Variants in SMG6 observed in about 807,000 individuals in gnomAD.
The protein encoded by SMG6 is SMG6 nonsense mediated mRNA decay factor.
SMG6 carries 66 observed loss-of-function variants against 142.2 expected under a neutral mutation model. The ratio of observed to expected loss-of-function variants is 0.46; its 90% CI spans 0.38 to 0.57. The LOEUF is 0.57. SMG6 is among the 20% of genes least tolerant of loss of function. SMG6 has a pLI of 0.00. For synonymous variants in SMG6, 779 were observed against 702.4 expected, an observed-to-expected ratio of 1.11 and a Z score of -1.72; for missense variants, 1,793 against 1,832.0, an observed-to-expected ratio of 0.98 and a Z score of 0.39.
chr17:2,298,615 G>T (rs528991777), intron 2 of SMG6, among the ~76,000 whole-genome samples: 19 of 152,090 alleles, frequency 1.2e-4, no homozygotes, highest in Middle Eastern at 3.4e-3. Context: ...CTACTTGGGA[G>T]GCTGAGGCAG....
chr17:2,265,434 T>C (rs913190482), intron 8 of SMG6, among the ~76,000 whole-genome samples: 1 of 151,258 alleles, frequency 6.6e-6, no homozygotes, highest in African/African-American at 2.4e-5. Flanking sequence ...CGCTTGAACC[T>C]GGGAGGCGGA....
At chr17:2,252,541 C>T (rs536087853) in intron 8 of SMG6, among the ~76,000 whole-genome samples, 119 of 152,238 alleles carry the variant, frequency 7.8e-4, no homozygotes, top group Non-Finnish European at 1.5e-3. Flanking sequence ...AACCTGGGTT[C>T]GAATTTTGGT....
chr17:2,098,424 C>G (rs1387160615), intron 13 of SMG6, among the ~76,000 whole-genome samples: 1 of 152,186 alleles, frequency 6.6e-6, no homozygotes, highest in African/African-American at 2.4e-5. Flanking sequence ...TCTCCCCATG[C>G]CTGAAGAAAT....
At chr17:2,243,292 G>C (rs4790318) in intron 9 of SMG6, among the ~76,000 whole-genome samples, 37,422 of 152,140 alleles carry the variant, frequency 0.25, 4,747 homozygotes, top group Middle Eastern at 0.31. Flanking sequence ...CGCCCGTGGA[G>C]CAGAGTTTCT....
chr17:2,132,411 T>C (rs994488615), intron 13 of SMG6, among the ~76,000 whole-genome samples: 7 of 152,202 alleles, frequency 4.6e-5, no homozygotes, highest in African/African-American at 1.7e-4. Context: ...CCAGTCTACA[T>C]GTGGACTGTC....
chr17:2,112,219 A>C (rs77777164), intron 13 of SMG6, among the ~76,000 whole-genome samples: 1 of 151,652 alleles, frequency 6.6e-6, no homozygotes, highest in Non-Finnish European at 1.5e-5. Context: ...AAAAAAAAAA[A>C]GTCGGCCGGG....
intron 13 of SMG6, among the ~76,000 whole-genome samples, chr17:2,163,513 G>A (rs1437549622): frequency 6.6e-6 from 1 of 152,120 alleles, no homozygotes; most frequent in Non-Finnish European, 1.5e-5. Flanking sequence ...CTAATATGTA[G>A]ATATGGGATT....
intron 10 of SMG6, among the ~76,000 whole-genome samples, chr17:2,199,267 G>A (rs865974482): frequency 6.6e-6 from 1 of 152,174 alleles, no homozygotes; most frequent in Admixed American, 6.5e-5. Flanking sequence ...TCTGAGTACT[G>A]TTTTCTTCAT....
chr17:2,218,155 T>A (rs904630025), intron 10 of SMG6, among the ~76,000 whole-genome samples: 1 of 152,160 alleles, frequency 6.6e-6, no homozygotes, highest in Non-Finnish European at 1.5e-5. Context: ...TTCAGCTCAA[T>A]AGAAGGTTTA....
chr17:2,112,364 C>T (rs188756391), intron 13 of SMG6, among the ~76,000 whole-genome samples: 42 of 151,568 alleles, frequency 2.8e-4, no homozygotes, highest in African/African-American at 1.0e-3. Flanking sequence ...AAAAATTAGC[C>T]AGGCGTCGTG....
intron 10 of SMG6, among the ~76,000 whole-genome samples, chr17:2,222,419 C>G (rs182855912): frequency 6.6e-6 from 1 of 151,444 alleles, no homozygotes; most frequent in Non-Finnish European, 1.5e-5. Flanking sequence ...ACAGCTAATG[C>G]GAAGGGCCAA....
intron 1 of SMG6, among the ~76,000 whole-genome samples, chr17:2,301,710 T>C (rs216192): frequency 0.59 from 89,209 of 151,890 alleles, 27,099 homozygotes; most frequent in East Asian, 0.75. Context: ...GGCGTGGTGG[T>C]GGGCGCCTGT....
At chr17:2,159,963 A>T (rs1203945344) in intron 13 of SMG6, among the ~76,000 whole-genome samples, 1 of 152,218 alleles carries the variant, frequency 6.6e-6, no homozygotes, top group East Asian at 1.9e-4. Context: ...AGGCAAATCT[A>T]ATCTATAGTG....
chr17:2,264,888 C>T (rs906617560), intron 8 of SMG6, among the ~76,000 whole-genome samples: 11 of 149,616 alleles, frequency 7.4e-5, no homozygotes, highest in Non-Finnish European at 1.0e-4. Context: ...GGTGACAGAA[C>T]GAAACCCCAT....
intron 12 of SMG6, among the ~76,000 whole-genome samples, chr17:2,181,295 T>C (rs1003356697): frequency 5.3e-5 from 8 of 152,174 alleles, no homozygotes; most frequent in African/African-American, 1.9e-4. Context: ...GACTCTGAGG[T>C]GGGACTACCC....
intron 8 of SMG6, among the ~76,000 whole-genome samples, chr17:2,251,645 A>C (rs1402823647): frequency 6.6e-6 from 1 of 152,204 alleles, no homozygotes; most frequent in Non-Finnish European, 1.5e-5. Flanking sequence ...TCTTATACTA[A>C]AGCAATTTGT....
intron 13 of SMG6, among the ~76,000 whole-genome samples, chr17:2,134,130 G>A (rs2070212444): frequency 6.6e-6 from 1 of 152,132 alleles, no homozygotes; most frequent in Admixed American, 6.6e-5. Context: ...AGATAAATCA[G>A]TCTAAGTCTT....
At chr17:2,227,916 T>C (rs538781758) in intron 10 of SMG6, among the ~76,000 whole-genome samples, 1 of 152,140 alleles carries the variant, frequency 6.6e-6, no homozygotes, top group South Asian at 2.1e-4. Flanking sequence ...ATTACTGCAA[T>C]GAAAATAAAT....
intron 9 of SMG6, among the ~76,000 whole-genome samples, chr17:2,242,817 A>G (rs1419269651): frequency 1.3e-5 from 2 of 151,890 alleles, no homozygotes; most frequent in South Asian, 2.1e-4. Context: ...TACCGATATC[A>G]TCTTATCCAC....
Sources: gnomAD v4.1 joint callset for allele counts (sites outside exome capture counted in the v4.1 genomes callset) on GRCh38, gnomAD v4.1.1 for gene constraint, MANE v1.5 for transcripts, NCBI Gene and HGNC (gene_info 2026-07-23, HGNC 2026-07-21) for gene names.